The following MIGA1 variants were observed in gnomAD, a reference collection of about 807,000 sequenced individuals.
MIGA1 encodes mitoguardin 1, also known as family with sequence similarity 73, member A.
Under a neutral mutation model 82.0 loss-of-function variants are expected in MIGA1, and 58 were observed. The observed-to-expected ratio is 0.71, with a 90% CI of 0.57 to 0.88. The LOEUF (loss-of-function observed/expected upper bound fraction) is 0.88. Among genes scored for constraint, MIGA1 ranks in the 40% least tolerant of loss-of-function variants. The pLI, the probability that MIGA1 is intolerant of heterozygous loss-of-function variation, is 0.00. For synonymous variants in MIGA1, 249 were observed against 253.6 expected, an observed-to-expected ratio of 0.98 and a Z score of 0.17; for missense variants, 751 against 749.1, an observed-to-expected ratio of 1.00 and a Z score of -0.03.
At chr1:77,807,236 A>T (rs142939026) in intron 5 of MIGA1, 135 bp downstream of exon 5, 5 of 549,988 alleles carry the variant, frequency 9.1e-6, no homozygotes, top group African/African-American at 7.7e-5. Context: ...ATTACTGCTC[A>T]TTGCAGCCTC....
At chr1:77,802,665 C>T (rs1334527818) in intron 3 of MIGA1, among the ~76,000 whole-genome samples, 1 of 151,680 alleles carries the variant, frequency 6.6e-6, no homozygotes, top group South Asian at 2.1e-4. Context: ...CTAGCTAGTC[C>T]CAGCTACTCG....
chr1:77,784,220 T>C (rs1682048185), intron 2 of MIGA1, among the ~76,000 whole-genome samples: 1 of 152,028 alleles, frequency 6.6e-6, no homozygotes. Context: ...TAAATTTATT[T>C]ATTTATGTAT....
At chr1:77,784,934 A>C (rs958312739) in intron 2 of MIGA1, among the ~76,000 whole-genome samples, 3 of 152,180 alleles carry the variant, frequency 2.0e-5, no homozygotes, top group African/African-American at 7.2e-5. Context: ...ACAGCAAGGG[A>C]AGGACTTGTC....
chr1:77,864,656 A>C (rs1358393500), intron 13 of MIGA1, among the ~76,000 whole-genome samples: 1 of 152,218 alleles, frequency 6.6e-6, no homozygotes, highest in Non-Finnish European at 1.5e-5. Flanking sequence ...AGCCTGGACA[A>C]CAAGAGTGCA....
chr1:77,852,287 C>G (rs1685085049), intron 8 of MIGA1, among the ~76,000 whole-genome samples: 1 of 152,084 alleles, frequency 6.6e-6, no homozygotes, highest in Non-Finnish European at 1.5e-5. Flanking sequence ...AAAATTTAAA[C>G]TGTTTAATAT....
chr1:77,831,533 C>G (rs1684244589), intron 7 of MIGA1, among the ~76,000 whole-genome samples: 1 of 151,666 alleles, frequency 6.6e-6, no homozygotes, highest in Non-Finnish European at 1.5e-5. Context: ...TTCAGTTGGC[C>G]ACAACAACTG....
Position 77,875,007 on chromosome 1 carries a change from T to G in MIGA1, c.1842T>G (p.Cys614Trp), listed in dbSNP as rs1405125769. 6 of 1,614,058 alleles carry G rather than the reference T, an allele frequency of 3.7e-6. No homozygotes were observed. In the African/African-American group the frequency reaches 8.0e-5, roughly 22 times the overall value. Residue 614 changes from cysteine to tryptophan, a missense_variant, in exon 16 of 16, where the codon TGT becomes TGG. Physicochemically the swap from Cys to Trp is radical, Grantham distance 215. This residue lies in a region of MIGA1 where 265 missense variants were observed against 293.6 expected (regional missense o/e 0.90). Coordinates refer to ENST00000370791, the MANE Select transcript of MIGA1 (RefSeq NM_198549.4). ...ATGCCCTGAGGCATACAAGTAGTTG[T>G]CTAAGCAGTCATGGTCATGTTATGT...
At chr1:77,784,911 CATT>C (rs530262765) in intron 2 of MIGA1, among the ~76,000 whole-genome samples, 104 of 152,296 alleles carry the variant, frequency 6.8e-4, no homozygotes, top group African/African-American at 2.4e-3. Flanking sequence ...GACACTTACT[CATT>C]ATCATGAGAA....
chr1:77,869,474 G>T (rs1685816713), intron 14 of MIGA1, among the ~76,000 whole-genome samples: 1 of 140,094 alleles, frequency 7.1e-6, no homozygotes, highest in African/African-American at 2.7e-5. Context: ...TCCCAGACGG[G>T]GTCGTGGCCG....
Position 77,878,592 on chromosome 1 carries a change from A to G in MIGA1, c.*3528A>G, listed in dbSNP as rs918296846. 3.5e-6 allele frequency: 1 copy of G among 283,158 alleles called. No individual in the cohort carries two copies. The highest frequency in any genetic ancestry group is 6.5e-6 in the Non-Finnish European group (1 of 153,264). 17.5% of individuals were successfully genotyped at this position (283,158 alleles called of 1,614,324 possible). A position where few individuals can be genotyped will look rare whatever the true frequency, so the allele number is the denominator to read the frequency against. On this transcript the variant is annotated 3_prime_UTR_variant, in exon 16 of 16. Coordinates refer to ENST00000370791, the MANE Select transcript of MIGA1 (RefSeq NM_198549.4). ...CATCCACTTCCATATGTAAATTATA[A>G]GAGGGACTTCAATTAAGTCACTCCT...
At chr1:77,786,996 G>A (rs1237667076) in intron 2 of MIGA1, among the ~76,000 whole-genome samples, 1 of 152,184 alleles carries the variant, frequency 6.6e-6, no homozygotes, top group Non-Finnish European at 1.5e-5. Flanking sequence ...AGCTTTATTG[G>A]ACTTACAGTT....
At chr1:77,789,146 C>T (rs1682300216) in intron 2 of MIGA1, among the ~76,000 whole-genome samples, 1 of 148,622 alleles carries the variant, frequency 6.7e-6, no homozygotes. Context: ...TGGTTAATTC[C>T]TAAGTATTGT....
At chr1:77,813,981 C>T in intron 6 of MIGA1, 114 bp downstream of exon 6, 2 of 1,081,702 alleles carry the variant, frequency 1.8e-6, no homozygotes, top group South Asian at 1.6e-5. Context: ...GTCTTGAACT[C>T]CTGGGCTCAA....
chr1:77,873,664 G>A (rs983207476), intron 15 of MIGA1, among the ~76,000 whole-genome samples: 1 of 152,164 alleles, frequency 6.6e-6, no homozygotes, highest in African/African-American at 2.4e-5. Flanking sequence ...TTTTCTGGCT[G>A]GCAAAGTGAC....
intron 1 of MIGA1, among the ~76,000 whole-genome samples, chr1:77,781,796 A>T (rs536424646): frequency 2.6e-5 from 4 of 152,232 alleles, no homozygotes; most frequent in Admixed American, 2.0e-4. Context: ...TAAGGGAAGC[A>T]TCAGTAGTAG....
intron 12 of MIGA1, chr1:77,861,610 C>T (rs1399660149): frequency 5.9e-6 from 2 of 338,116 alleles, no homozygotes; most frequent in Non-Finnish European, 1.1e-5. Flanking sequence ...CATTGGCAGG[C>T]CCCTAGCAGG....
intron 1 of MIGA1, among the ~76,000 whole-genome samples, chr1:77,782,189 A>G (rs1344970925): frequency 3.3e-5 from 5 of 152,198 alleles, no homozygotes; most frequent in African/African-American, 7.2e-5. Flanking sequence ...ATATTCTGTT[A>G]TGTAATATAC....
intron 11 of MIGA1, chr1:77,860,820 T>C (rs1300226521): frequency 5.7e-6 from 1 of 176,522 alleles, no homozygotes; most frequent in African/African-American, 2.4e-5. Flanking sequence ...TATTAATACA[T>C]GCAATTCCCA....
intron 2 of MIGA1, among the ~76,000 whole-genome samples, chr1:77,794,022 C>T (rs1682551164): frequency 6.6e-6 from 1 of 151,970 alleles, no homozygotes; most frequent in African/African-American, 2.4e-5. Flanking sequence ...CTCCTGACCT[C>T]AAGTGATCTG....
Sources: gnomAD v4.1 joint callset for allele counts (sites outside exome capture counted in the v4.1 genomes callset) on GRCh38, gnomAD v4.1.1 for gene constraint, gnomAD v4.1.1 regional missense constraint, MANE v1.5 for transcripts, NCBI Gene and HGNC (gene_info 2026-07-23, HGNC 2026-07-21) for gene names.